Variants in TRIM23 observed in about 807,000 individuals in gnomAD.
TRIM23 encodes tripartite motif containing 23.
TRIM23 carries 27 observed loss-of-function variants against 71.0 expected under a neutral mutation model. That is an observed-to-expected ratio of 0.38 (90% CI 0.28 to 0.52). TRIM23 has a LOEUF of 0.52. Among genes scored for constraint, TRIM23 ranks in the 20% least tolerant of loss-of-function variants. TRIM23 has a pLI of 0.84. For missense variants in TRIM23, 482 were observed against 692.3 expected, an observed-to-expected ratio of 0.70 and a Z score of 3.41; for synonymous variants, 234 against 238.0, an observed-to-expected ratio of 0.98 and a Z score of 0.16.
Position 65,613,968 on chromosome 5 carries a change from A to C in TRIM23, c.366+130T>G, listed in dbSNP as rs557347335. On this transcript the variant is annotated intron_variant, in intron 3 of 10. Coordinates refer to ENST00000231524, the MANE Select transcript of TRIM23 (RefSeq NM_001656.4). Reference sequence around the variant, plus strand: ...AATAGTGTTGGCCTTCAGAACTGTAATGTAATGAAAAGTTGTGTTTCTAGA... The same window carrying C: ...AATAGTGTTGGCCTTCAGAACTGTACTGTAATGAAAAGTTGTGTTTCTAGA... 4 of 1,530,238 alleles carry C rather than the reference A, an allele frequency of 2.6e-6. No individual in the cohort carries two copies. In the East Asian group the frequency reaches 7.0e-5, roughly 27 times the overall value. The allele number at this position is 1,530,238 out of a possible 1,614,324, so 94.8% of individuals were successfully genotyped here. A position where few individuals can be genotyped will look rare whatever the true frequency, so the allele number is the denominator to read the frequency against.
chr5:65,596,641 T>G (rs143714108), intron 8 of TRIM23, 110 bp from the exon 9 acceptor site: 1 of 683,696 alleles, frequency 1.5e-6, no homozygotes, highest in Non-Finnish European at 2.5e-6. Flanking sequence ...ATTATCTACA[T>G]GCAGCAATAT....
intron 10 of TRIM23, 152 bp from the exon 11 acceptor site, chr5:65,592,100 T>C: frequency 2.7e-6 from 2 of 733,036 alleles, no homozygotes; most frequent in South Asian, 4.6e-5. Context: ...CTGAGATTAA[T>C]AAGAATAGAA....
At chr5:65,616,641 T>TAA (rs746034795) in intron 2 of TRIM23, among the ~76,000 whole-genome samples, 9 of 126,290 alleles carry the variant, frequency 7.1e-5, no homozygotes, top group Admixed American at 1.6e-4. Context: ...CACTCTGCTT[T>TAA]AAAAAAAAAA....
intron 3 of TRIM23, chr5:65,613,830 C>T (rs1407315589): frequency 7.4e-7 from 1 of 1,358,268 alleles, no homozygotes; most frequent in East Asian, 4.1e-5. Flanking sequence ...AATCTTCTTC[C>T]TCTTTTCACT....
chr5:65,623,002 T>A (rs879718598), intron 1 of TRIM23, among the ~76,000 whole-genome samples: 1 of 152,224 alleles, frequency 6.6e-6, no homozygotes, highest in Non-Finnish European at 1.5e-5. Flanking sequence ...ACAACATGCC[T>A]AATAATGAGG....
chr5:65,617,681 G>A (rs1010955287), intron 2 of TRIM23, among the ~76,000 whole-genome samples: 1 of 152,068 alleles, frequency 6.6e-6, no homozygotes, highest in Non-Finnish European at 1.5e-5. Flanking sequence ...CTTGATATTA[G>A]TAAATAAAAA....
At chr5:65,617,573 A>C (rs915662117) in intron 2 of TRIM23, among the ~76,000 whole-genome samples, 1 of 152,208 alleles carries the variant, frequency 6.6e-6, no homozygotes, top group Admixed American at 6.5e-5. Context: ...AAAAGTTTTA[A>C]AAGTATACAG....
chr5:65,603,259 T>A (rs1010975873), intron 7 of TRIM23, among the ~76,000 whole-genome samples: 2 of 152,224 alleles, frequency 1.3e-5, no homozygotes, highest in African/African-American at 2.4e-5. Flanking sequence ...AGTACTGAAT[T>A]GTACATTTTT....
chr5:65,597,697 A>G (rs541207732), intron 7 of TRIM23, among the ~76,000 whole-genome samples: 2 of 152,306 alleles, frequency 1.3e-5, no homozygotes, highest in East Asian at 3.9e-4. Context: ...CTGTCAATAC[A>G]TATTGACCAA....
chr5:65,592,700 T>G (rs1754077173), intron 10 of TRIM23, among the ~76,000 whole-genome samples: 1 of 152,180 alleles, frequency 6.6e-6, no homozygotes, highest in Admixed American at 6.5e-5. Flanking sequence ...TCCAGAAAAT[T>G]TCCATGCACA....
rs1403841289 is a variant in TRIM23 at position 65,624,290 on chromosome 5, G to C, written c.-16C>G. ...GGGTAGCCATCCTCGCAGGGGAAGC[G>C]CCACAGAAACAGCCTTCAGAGTCCT... On this transcript the variant is annotated 5_prime_UTR_variant, in exon 1 of 11. Transcript: ENST00000231524. The C allele has an allele frequency of 6.2e-7, 1 of 1,613,286 alleles. No homozygotes were observed. The highest frequency in any genetic ancestry group is 8.5e-7 in the Non-Finnish European group (1 of 1,179,922).
chr5:65,614,018 G>A (rs1179294199), intron 3 of TRIM23, 80 bp downstream of exon 3: 1 of 1,574,748 alleles, frequency 6.4e-7, no homozygotes, highest in Non-Finnish European at 8.6e-7. Flanking sequence ...AATAAATGAA[G>A]TAATATTGTG....
chr5:65,603,693 T>A (rs1373695495), intron 7 of TRIM23, among the ~76,000 whole-genome samples: 2 of 151,006 alleles, frequency 1.3e-5, no homozygotes, highest in Non-Finnish European at 3.0e-5. Context: ...ATAATTAAAT[T>A]AAAAAAAAAC....
At chr5:65,604,422 A>C (rs976600594) in intron 7 of TRIM23, among the ~76,000 whole-genome samples, 3 of 152,090 alleles carry the variant, frequency 2.0e-5, no homozygotes, top group Non-Finnish European at 4.4e-5. Context: ...AAGAGTCCTT[A>C]TCTTTTGGAG....
chr5:65,598,513 G>A (rs766414324), intron 7 of TRIM23, among the ~76,000 whole-genome samples: 4 of 152,194 alleles, frequency 2.6e-5, no homozygotes, highest in Non-Finnish European at 4.4e-5. Context: ...TCGGGAGGCC[G>A]AGGTTGGGGG....
Position 65,618,151 on chromosome 5 carries a change from G to C in TRIM23, c.186C>G (p.Arg62=). The C allele has an allele frequency of 6.2e-7, 1 of 1,614,044 alleles. No individual in the cohort carries two copies. Among genetic ancestry groups the C allele is most frequent in the Non-Finnish European group, 8.5e-7 (1 of 1,179,988 alleles). ...GHTVCHDCLT[R]LPLHGRAIRC... is the part of the protein sequence containing the mutation. Reference sequence around the variant, plus strand: ...GGATTGCTCTTCCATGAAGAGGTAGGCGAGTGAGACAGTCATGACAGACGG... The same window carrying C: ...GGATTGCTCTTCCATGAAGAGGTAGCCGAGTGAGACAGTCATGACAGACGG... Residue 62 remains arginine, a synonymous_variant, in exon 2 of 11, where the codon CGC becomes CGG. Transcript: ENST00000231524.
rs190387956 is a variant in TRIM23, at chr5:65,614,472, C to T, written c.245-253G>A. ...TTTTTTGGCCAGGTGCTTTGGCCCACGCCTGTAATCCCAGCAGTTTGGGAG... is the reference window on the plus strand; with the variant it reads ...TTTTTTGGCCAGGTGCTTTGGCCCATGCCTGTAATCCCAGCAGTTTGGGAG... On this transcript the variant is annotated intron_variant, in intron 2 of 10. Transcript: ENST00000231524. Among the ~76,000 whole-genome samples, 68 of 152,276 alleles carry T rather than the reference C, an allele frequency of 4.5e-4. 1 individual carries two copies. The highest frequency in any genetic ancestry group is 1.6e-3 in the African/African-American group (67 of 41,556).
intron 8 of TRIM23, among the ~76,000 whole-genome samples, chr5:65,596,848 C>A (rs1028294884): frequency 1.3e-5 from 2 of 152,136 alleles, no homozygotes; most frequent in African/African-American, 4.8e-5. Context: ...AACTGTCCCA[C>A]CAATACTCTG....
chr5:65,612,385 G>A (rs1754676341), intron 3 of TRIM23, among the ~76,000 whole-genome samples: 1 of 152,166 alleles, frequency 6.6e-6, no homozygotes, highest in South Asian at 2.1e-4. Context: ...CTGTCTGGAA[G>A]AGAAATTCTT....
Sources: gnomAD v4.1 joint callset for allele counts (sites outside exome capture counted in the v4.1 genomes callset) on GRCh38, gnomAD v4.1.1 for gene constraint, MANE v1.5 for transcripts, NCBI Gene and HGNC (gene_info 2026-07-23, HGNC 2026-07-21) for gene names.